The following GALNT13 variants were observed in gnomAD, a reference collection of about 807,000 sequenced individuals.
GALNT13 encodes the protein UDP-GalNAc:polypeptide N-acetylgalactosaminyltransferase 13.
A neutral mutation model predicts 64.2 loss-of-function variants in GALNT13; 28 were observed. The ratio of observed to expected loss-of-function variants is 0.44; its 90% CI spans 0.32 to 0.60. The LOEUF (loss-of-function observed/expected upper bound fraction) is 0.60. Among genes scored for constraint, GALNT13 ranks in the 20% least tolerant of loss-of-function variants. GALNT13 has a pLI of 0.05. For synonymous variants in GALNT13, 214 were observed against 224.6 expected (o/e 0.95, Z 0.42); for missense variants, 577 against 669.8 (o/e 0.86, Z 1.53).
At chr2:153,486,685 A>G in the GALNT13 span, among the ~76,000 whole-genome samples, 16 of 152,226 alleles carry the variant, frequency 1.1e-4, no homozygotes, top group Admixed American at 3.3e-4. Flanking sequence ...TGATTTAAAA[A>G]TTCTGACCAC....
intron 2 of GALNT13, among the ~76,000 whole-genome samples, chr2:153,943,683 C>T (rs910712856): frequency 1.3e-5 from 2 of 151,898 alleles, no homozygotes; most frequent in African/African-American, 4.8e-5. Flanking sequence ...TTAGTAGAGA[C>T]GTGGTTTTAC....
the GALNT13 span, among the ~76,000 whole-genome samples, chr2:153,230,739 T>C: frequency 6.6e-6 from 1 of 152,328 alleles, no homozygotes; most frequent in Middle Eastern, 3.4e-3. Flanking sequence ...ACTGGCCGCT[T>C]TCATGTCCTC....
At chr2:153,203,873 C>CCA in the GALNT13 span, among the ~76,000 whole-genome samples, 1 of 70,206 alleles carries the variant, frequency 1.4e-5, no homozygotes, top group Non-Finnish European at 4.9e-5. Context: ...TGTAGCGTGT[C>CCA]TACACACACA....
At chr2:153,305,667 C>T in the GALNT13 span, among the ~76,000 whole-genome samples, 1 of 152,074 alleles carries the variant, frequency 6.6e-6, no homozygotes, top group Non-Finnish European at 1.5e-5. Flanking sequence ...TCCCTAGGCT[C>T]CTCCCCTAGA....
At chr2:154,128,773 A>G (rs903874772) in intron 3 of GALNT13, among the ~76,000 whole-genome samples, 2 of 152,176 alleles carry the variant, frequency 1.3e-5, no homozygotes, top group Non-Finnish European at 2.9e-5. Flanking sequence ...AATTCAAATT[A>G]CAATGCCTCT....
chr2:153,284,605 T>G, the GALNT13 span, among the ~76,000 whole-genome samples: 1 of 152,168 alleles, frequency 6.6e-6, no homozygotes, highest in South Asian at 2.1e-4. Flanking sequence ...GGAAACAGTG[T>G]TCTCCATCAG....
chr2:153,818,293 C>G, the GALNT13 span, among the ~76,000 whole-genome samples: 1 of 152,192 alleles, frequency 6.6e-6, no homozygotes, highest in Admixed American at 6.5e-5. Context: ...TGGAGCCCCA[C>G]AGGTCTTGGA....
chr2:154,090,449 C>T (rs1519212), intron 3 of GALNT13, among the ~76,000 whole-genome samples: 83,801 of 151,830 alleles, frequency 0.55, 24,343 homozygotes, highest in East Asian at 0.85. Context: ...AAATTTATTT[C>T]ATAAATGTAA....
chr2:154,321,251 A>G (rs1384036419), intron 9 of GALNT13, among the ~76,000 whole-genome samples: 2 of 152,108 alleles, frequency 1.3e-5, no homozygotes, highest in African/African-American at 4.8e-5. Flanking sequence ...TAGATGAACT[A>G]AGATTTGGAA....
At chr2:153,782,856 C>T in the GALNT13 span, among the ~76,000 whole-genome samples, 7 of 152,274 alleles carry the variant, frequency 4.6e-5, no homozygotes, top group Middle Eastern at 3.4e-3. Flanking sequence ...TAGCAACCCA[C>T]GCAGACTAAA....
the GALNT13 span, among the ~76,000 whole-genome samples, chr2:153,260,766 C>G: frequency 1.2e-4 from 18 of 152,248 alleles, no homozygotes; most frequent in Admixed American, 6.5e-4. Flanking sequence ...CTGTTATTAT[C>G]TATTTAAATA....
chr2:153,252,910 T>G, the GALNT13 span, among the ~76,000 whole-genome samples: 1 of 152,140 alleles, frequency 6.6e-6, no homozygotes, highest in East Asian at 1.9e-4. Context: ...GCGTGATGCC[T>G]CCAGCTTTGT....
the GALNT13 span, among the ~76,000 whole-genome samples, chr2:153,430,700 C>A: frequency 6.6e-6 from 1 of 150,992 alleles, no homozygotes; most frequent in Admixed American, 6.6e-5. Context: ...AGAGAACTCA[C>A]CTGAGGATAG....
intron 10 of GALNT13, among the ~76,000 whole-genome samples, chr2:154,404,470 G>A (rs1038741036): frequency 6.6e-5 from 10 of 151,770 alleles, no homozygotes; most frequent in Admixed American, 1.3e-4. Flanking sequence ...TGACCCAGAT[G>A]ATACTACAAT....
chr2:154,439,048 T>C (rs964466788), intron 12 of GALNT13, among the ~76,000 whole-genome samples: 14 of 152,166 alleles, frequency 9.2e-5, no homozygotes, highest in African/African-American at 3.4e-4. Flanking sequence ...AAGATGTGCA[T>C]ACAGGATAAT....
intron 2 of GALNT13, among the ~76,000 whole-genome samples, chr2:153,905,948 G>T (rs1688531526): frequency 6.6e-6 from 1 of 151,910 alleles, no homozygotes; most frequent in African/African-American, 2.4e-5. Context: ...TGTAGCATGA[G>T]GATGCTGGAC....
chr2:154,182,999 A>G (rs1278818831), intron 4 of GALNT13, among the ~76,000 whole-genome samples: 2 of 152,086 alleles, frequency 1.3e-5, no homozygotes, highest in East Asian at 3.9e-4. Flanking sequence ...CTTTTCCTGT[A>G]GTATCATTGT....
At chr2:153,631,678 T>C in the GALNT13 span, among the ~76,000 whole-genome samples, 1 of 152,202 alleles carries the variant, frequency 6.6e-6, no homozygotes, top group African/African-American at 2.4e-5. Flanking sequence ...TGTAAATTTG[T>C]TTGAGTTCTT....
the GALNT13 span, among the ~76,000 whole-genome samples, chr2:153,222,595 G>A: frequency 1.3e-5 from 2 of 152,220 alleles, no homozygotes; most frequent in African/African-American, 4.8e-5. Flanking sequence ...GGTCCACTGC[G>A]CCCAGGCTGT....
Sources: gnomAD v4.1 joint callset for allele counts (sites outside exome capture counted in the v4.1 genomes callset) on GRCh38, gnomAD v4.1.1 for gene constraint, MANE v1.5 for transcripts, NCBI Gene and HGNC (gene_info 2026-07-23, HGNC 2026-07-21) for gene names.